The following BCKDHB variants were observed in gnomAD, a reference collection of about 807,000 sequenced individuals.
BCKDHB encodes 2-oxoisovalerate dehydrogenase subunit beta, mitochondrial.
BCKDHB carries 41 observed loss-of-function variants against 48.5 expected under a neutral mutation model. The observed-to-expected ratio is 0.85, with a 90% confidence interval of 0.66 to 1.10. The LOEUF (loss-of-function observed/expected upper bound fraction) is 1.10, where lower values mean the gene tolerates loss of function less well. Ranked by LOEUF, BCKDHB falls within the 50% of genes least tolerant of loss-of-function variation. The pLI is 0.00. For missense variants in BCKDHB, 496 were observed against 494.2 expected (o/e 1.00, Z -0.03); for synonymous variants, 201 against 174.8 (o/e 1.15, Z -1.18).
intron 9 of BCKDHB, among the ~76,000 whole-genome samples, chr6:80,343,389 C>T (rs576419964): frequency 2.0e-5 from 3 of 152,206 alleles, no homozygotes; most frequent in Non-Finnish European, 2.9e-5. Flanking sequence ...CATTTATATT[C>T]GTAGAACAGC....
intron 9 of BCKDHB, among the ~76,000 whole-genome samples, chr6:80,326,154 C>T (rs192356665): frequency 6.6e-6 from 1 of 151,800 alleles, no homozygotes; most frequent in East Asian, 1.9e-4. Context: ...AAACTGTGTA[C>T]TGTTTTCATA....
chr6:80,258,669 AAGC>A (rs2127947119), intron 8 of BCKDHB, among the ~76,000 whole-genome samples: 1 of 152,260 alleles, frequency 6.6e-6, no homozygotes, highest in South Asian at 2.1e-4. Context: ...GCTAGTATCT[AAGC>A]AGTGATCCTG....
intron 1 of BCKDHB, among the ~76,000 whole-genome samples, chr6:80,125,097 C>T (rs1770272810): frequency 6.6e-6 from 1 of 152,228 alleles, no homozygotes; most frequent in Non-Finnish European, 1.5e-5. Context: ...TAGCCACCTT[C>T]ATCAATGATC....
intron 1 of BCKDHB, among the ~76,000 whole-genome samples, chr6:80,125,157 A>G (rs573641979): frequency 6.4e-4 from 97 of 152,282 alleles, no homozygotes; most frequent in African/African-American, 2.3e-3. Context: ...TCAGCACTTT[A>G]TGCTTCACTT....
chr6:80,375,966 G>T, the BCKDHB span, among the ~76,000 whole-genome samples: 1 of 152,194 alleles, frequency 6.6e-6, no homozygotes, highest in Non-Finnish European at 1.5e-5. Flanking sequence ...GCACTTCCAA[G>T]AATGCAACAG....
At chr6:80,374,089 C>G in the BCKDHB span, 1 of 697,622 alleles carries the variant, frequency 1.4e-6, no homozygotes, top group African/African-American at 1.7e-5. Flanking sequence ...ACTTCTTCTT[C>G]TGGTTTAGGA....
At chr6:80,133,025 A>C (rs963511129) in intron 3 of BCKDHB, among the ~76,000 whole-genome samples, 2 of 152,228 alleles carry the variant, frequency 1.3e-5, no homozygotes, top group African/African-American at 4.8e-5. Flanking sequence ...TCAATATAAC[A>C]ATCAAGTCAC....
chr6:80,204,902 C>T (rs1300435713), intron 8 of BCKDHB, among the ~76,000 whole-genome samples: 2 of 152,088 alleles, frequency 1.3e-5, no homozygotes, highest in Non-Finnish European at 1.5e-5. Context: ...GATCCATTTT[C>T]CTTAGGGCTC....
In BCKDHB at chr6:80,171,355, T is replaced by C. The variant is rs888578217; in HGVS notation, c.707T>C (p.Ile236Thr). The C allele has an allele frequency of 1.2e-5, 19 of 1,607,112 alleles. No individual in the cohort carries two copies. The highest frequency in any genetic ancestry group is 1.4e-5 in the Non-Finnish European group (17 of 1,177,284). Residue 236 changes from isoleucine (I) to threonine (T), a missense_variant, in exon 6 of 10, where the codon ATA (isoleucine) becomes ACA (threonine). Ile to Thr is a moderately conservative substitution (Grantham distance 89). Coordinates refer to ENST00000320393, the MANE Select transcript of BCKDHB (RefSeq NM_183050.4). ...TGCATAGAGGATAAAAATCCTTGTA[T>C]ATTTTTTGAACCTAAAATACTTTAC... ...LSCIEDKNPCIFFEPKILYRA... is the reference protein window; with the variant it reads ...LSCIEDKNPCTFFEPKILYRA...
the BCKDHB span, among the ~76,000 whole-genome samples, chr6:80,432,648 G>C: frequency 9.9e-5 from 15 of 152,202 alleles, no homozygotes; most frequent in Admixed American, 5.9e-4. Context: ...GGAGGAGTTT[G>C]TTATTACCCA....
chr6:80,127,866 T>C (rs546477232), intron 2 of BCKDHB, among the ~76,000 whole-genome samples: 7 of 152,284 alleles, frequency 4.6e-5, no homozygotes, highest in Admixed American at 2.0e-4. Context: ...ATTGTATTAA[T>C]AACTTCTGGA....
intron 8 of BCKDHB, among the ~76,000 whole-genome samples, chr6:80,256,353 C>T (rs1231735505): frequency 6.6e-6 from 1 of 152,158 alleles, no homozygotes; most frequent in Non-Finnish European, 1.5e-5. Flanking sequence ...CCTACTGCTC[C>T]TAGACTATAA....
chr6:80,442,797 T>C, the BCKDHB span, among the ~76,000 whole-genome samples: 1 of 152,142 alleles, frequency 6.6e-6, no homozygotes, highest in Non-Finnish European at 1.5e-5. Flanking sequence ...TCTAAAAGGA[T>C]ATAACTTGCA....
intron 8 of BCKDHB, among the ~76,000 whole-genome samples, chr6:80,234,571 G>A (rs1459440858): frequency 6.6e-6 from 1 of 152,154 alleles, no homozygotes; most frequent in African/African-American, 2.4e-5. Context: ...AAAGAGGAAT[G>A]CTCATACATT....
intron 8 of BCKDHB, among the ~76,000 whole-genome samples, chr6:80,226,351 A>G (rs1371125959): frequency 1.3e-5 from 2 of 152,256 alleles, no homozygotes; most frequent in Non-Finnish European, 1.5e-5. Flanking sequence ...TGTGGTCTGT[A>G]ACAATTCCAT....
At chr6:80,155,502 C>T (rs572279573) in intron 3 of BCKDHB, among the ~76,000 whole-genome samples, 7 of 152,216 alleles carry the variant, frequency 4.6e-5, no homozygotes, top group South Asian at 2.1e-4. Context: ...AGTAACAATT[C>T]GATTTCCTTA....
intron 8 of BCKDHB, among the ~76,000 whole-genome samples, chr6:80,254,095 G>A (rs1029948865): frequency 6.6e-6 from 1 of 151,802 alleles, no homozygotes; most frequent in African/African-American, 2.4e-5. Context: ...TGTCATCAAG[G>A]ATGGGCATCG....
intron 8 of BCKDHB, among the ~76,000 whole-genome samples, chr6:80,213,294 A>G (rs943231540): frequency 4.6e-5 from 7 of 152,130 alleles, no homozygotes; most frequent in Non-Finnish European, 7.4e-5. Flanking sequence ...ATGGTTGTCT[A>G]TGTTTCATAA....
chr6:80,182,202 G>C (rs1209229685), intron 6 of BCKDHB, among the ~76,000 whole-genome samples: 1 of 152,150 alleles, frequency 6.6e-6, no homozygotes, highest in Non-Finnish European at 1.5e-5. Context: ...TCTATTTTGT[G>C]ATGAGAAGGC....
Sources: gnomAD v4.1 joint callset for allele counts (sites outside exome capture counted in the v4.1 genomes callset) on GRCh38, gnomAD v4.1.1 for gene constraint, MANE v1.5 for transcripts, NCBI Gene and HGNC (gene_info 2026-07-23, HGNC 2026-07-21) for gene names.